Variants in KIF23 observed in about 807,000 individuals in gnomAD.
KIF23 encodes kinesin family member 23, also known as kinesin-like protein KIF23.
A neutral mutation model predicts 137.5 loss-of-function variants in KIF23; 30 were observed. That is an observed-to-expected ratio of 0.22 (90% CI 0.16 to 0.30). KIF23 has a LOEUF of 0.30. KIF23 is among the 10% of genes least tolerant of loss of function. The pLI is 1.00. For synonymous variants in KIF23, 367 were observed against 391.1 expected (o/e 0.94, Z 0.73); for missense variants, 920 against 1,194.3 (o/e 0.77, Z 3.38).
In KIF23 at chr15:69,444,526, G is replaced by A; in HGVS notation, c.2422-264G>A. 2.4e-6 allele frequency: 1 copy of A among 411,062 alleles called. No homozygotes were observed. The highest frequency in any genetic ancestry group is 3.2e-5 in the South Asian group (1 of 31,564). 25.5% of individuals were successfully genotyped at this position (411,062 alleles called of 1,614,324 possible). On this transcript the variant is annotated intron_variant, in intron 19 of 23. Transcript: ENST00000679126. This position sits in a 1 kb window ranked among gnomAD's most constrained non-coding sequence, Gnocchi z 4.2. ...GTTTGTCCTGAACCACCCCCAAGCAGGAAAGACTTGCAGCATTACCAGAAT... is the reference window on the plus strand; with the variant it reads ...GTTTGTCCTGAACCACCCCCAAGCAAGAAAGACTTGCAGCATTACCAGAAT...
intron 15 of KIF23, among the ~76,000 whole-genome samples, chr15:69,437,260 G>A (rs546377860): frequency 1.3e-5 from 2 of 152,108 alleles, no homozygotes; most frequent in Non-Finnish European, 2.9e-5. Context: ...AAGTGAGCGT[G>A]TGTTCTTTCT....
rs985041445 is a variant in KIF23, at chr15:69,446,201, T to C, written c.2757-82T>C. 6 of 1,411,552 alleles carry C rather than the reference T, an allele frequency of 4.3e-6. No individual in the cohort carries two copies. In the Admixed American group the frequency reaches 1.0e-4, roughly 24 times the overall value. 87.4% of individuals were successfully genotyped at this position (1,411,552 alleles called of 1,614,324 possible). On this transcript the variant is annotated intron_variant, in intron 21 of 23. Coordinates refer to ENST00000679126, the MANE Select transcript of KIF23 (RefSeq NM_001367805.3). ...GTATCATTAATTCTCCAAAGGGATG[T>C]AGATAGTATTCCCCTACTTCTAATA...
chr15:69,437,492 G>A (rs182107402), intron 15 of KIF23, among the ~76,000 whole-genome samples: 1 of 130,014 alleles, frequency 7.7e-6, no homozygotes, highest in Non-Finnish European at 1.6e-5. Flanking sequence ...ACTGAGTCTC[G>A]CTCTGTTGCC....
At chr15:69,415,127 G>T (rs1377802317) in intron 1 of KIF23, 1 of 152,198 alleles carries the variant, frequency 6.6e-6, no homozygotes, top group Non-Finnish European at 1.5e-5. Context: ...AATATTTGTC[G>T]TGCAAAGGAG....
Position 69,416,031 on chromosome 15 carries a change from G to A in KIF23, c.49G>A (p.Gly17Arg). 6.3e-7 allele frequency: 1 copy of A among 1,577,932 alleles called. No homozygotes were observed. The highest frequency in any genetic ancestry group is 1.2e-5 in the South Asian group (1 of 83,060). The change falls in exon 2 of 24, where the codon GGG (glycine) becomes AGG (arginine). Residue 17 changes from glycine to arginine, a missense_variant. By Grantham distance (125) the Gly-to-Arg change is moderately radical. Transcript: ENST00000679126. The part of the protein sequence containing the change: ...KTPRKPTVKK[G>R]SQTNLKDPVG... ...ACCCCGGAAACCTACCGTGAAAAAA[G>A]GGTCCCAAACGAACCTTAAAGACCC...
At chr15:69,428,588 A>G (rs564170054) in intron 10 of KIF23, among the ~76,000 whole-genome samples, 2 of 122,304 alleles carry the variant, frequency 1.6e-5, no homozygotes, top group East Asian at 5.7e-4. Flanking sequence ...TGAACCCAGG[A>G]GGGGGAGGTT....
Position 69,447,859 on chromosome 15 carries a change from C to T in KIF23, c.*52C>T, listed in dbSNP as rs368965562. 3.6e-5 allele frequency: 57 copies of T among 1,582,894 alleles called. No homozygotes were observed. Among genetic ancestry groups the T allele is most frequent in the African/African-American group, 3.0e-4 (22 of 74,568 alleles). On this transcript the variant is annotated 3_prime_UTR_variant, in exon 24 of 24. Transcript: ENST00000679126. Reference sequence around the variant, plus strand: ...ATTTTCATTTGTGTGGATGATTTCTCGAAAGCCATGCCAGAAGCAGTCTTC... The same window carrying T: ...ATTTTCATTTGTGTGGATGATTTCTTGAAAGCCATGCCAGAAGCAGTCTTC...
chr15:69,431,601 G>A (rs912711514), intron 11 of KIF23, among the ~76,000 whole-genome samples: 4 of 139,016 alleles, frequency 2.9e-5, no homozygotes, highest in African/African-American at 7.7e-5. Context: ...GCGACAGAGC[G>A]AGACTCCGTC....
intron 11 of KIF23, among the ~76,000 whole-genome samples, 163 bp downstream of exon 11, chr15:69,429,376 C>G (rs1306519641): frequency 1.3e-5 from 2 of 152,140 alleles, no homozygotes; most frequent in Non-Finnish European, 2.9e-5. Context: ...GTGATCATGG[C>G]TCATTGCAGC....
chr15:69,429,282 C>T (rs1331105336), intron 11 of KIF23, 69 bp downstream of exon 11: 6 of 1,001,388 alleles, frequency 6.0e-6, no homozygotes, highest in Non-Finnish European at 9.2e-6. Flanking sequence ...TTATTATCTA[C>T]TTATCAATGG....
rs11852675 is a variant in KIF23 at position 69,436,191 on chromosome 15, A to C, written c.1368A>C (p.Val456=). Residue 456 remains valine (V), a synonymous_variant, in exon 14 of 24, where the codon GTA becomes GTC. Coordinates refer to ENST00000679126, the MANE Select transcript of KIF23 (RefSeq NM_001367805.3). ...AAGAAGTTGAAGTAGCAAGACCTGT[A>C]GACAAGGCAATATGTGGTTTAACGC... ...VTQEVEVARP[V]DKAICGLTPG... is the part of the protein sequence containing the mutation. 0.041 allele frequency: 65,723 copies of C among 1,613,970 alleles called. 1,566 individuals are homozygous for C. Among genetic ancestry groups the C allele is most frequent in the East Asian group, 0.084 (3,775 of 44,870 alleles).
intron 19 of KIF23, among the ~76,000 whole-genome samples, chr15:69,442,086 G>C (rs2057635552): frequency 6.6e-6 from 1 of 152,040 alleles, no homozygotes; most frequent in Non-Finnish European, 1.5e-5. Flanking sequence ...ATGATACTAT[G>C]AAAGTGTATG....
intron 7 of KIF23, among the ~76,000 whole-genome samples, chr15:69,423,750 G>A (rs1766855129): frequency 6.6e-6 from 1 of 152,146 alleles, no homozygotes; most frequent in Non-Finnish European, 1.5e-5. Context: ...ATCTATACAA[G>A]TAATACTTAC....
chr15:69,445,403 C>T (rs187461971), intron 20 of KIF23, among the ~76,000 whole-genome samples: 79 of 152,158 alleles, frequency 5.2e-4, no homozygotes, highest in Non-Finnish European at 5.0e-4. Flanking sequence ...CAAAACAAAA[C>T]GAAACCTATG....
intron 14 of KIF23, 96 bp downstream of exon 14, chr15:69,436,357 A>T (rs1013834775): frequency 8.3e-6 from 12 of 1,446,118 alleles, no homozygotes; most frequent in Non-Finnish European, 1.1e-5. Flanking sequence ...ATGTTTACAT[A>T]CCTTCTGAAG....
In KIF23 at chr15:69,436,181, C is replaced by G. The variant is rs375535520; in HGVS notation, c.1358C>G (p.Ala453Gly). ...FAEVTQEVEV[A>G]RPVDKAICGL... ...GAAGTGACTCAAGAAGTTGAAGTAGCAAGACCTGTAGACAAGGCAATATGT... is the reference window on the plus strand; with the variant it reads ...GAAGTGACTCAAGAAGTTGAAGTAGGAAGACCTGTAGACAAGGCAATATGT... Residue 453 changes from alanine (A) to glycine (G), a missense_variant, in exon 14 of 24, where the codon GCA (alanine) becomes GGA (glycine). Ala to Gly is a moderately conservative substitution (Grantham distance 60). Around this residue, in one of 4 missense-constraint regions of KIF23, gnomAD observed 714 missense variants for 866.2 expected, o/e 0.82. Coordinates refer to ENST00000679126, the MANE Select transcript of KIF23 (RefSeq NM_001367805.3). 7.4e-6 allele frequency: 12 copies of G among 1,613,726 alleles called. No homozygotes were observed. Among genetic ancestry groups the G allele is most frequent in the Non-Finnish European group, 1.0e-5 (12 of 1,179,924 alleles).
Position 69,417,448 on chromosome 15 carries a change from T to G in KIF23, c.147T>G (p.Asn49Lys). The G allele has an allele frequency of 6.2e-7, 1 of 1,613,956 alleles. No individual in the cohort carries two copies. The highest frequency in any genetic ancestry group is 8.5e-7 in the Non-Finnish European group (1 of 1,179,882). The change falls in exon 3 of 24, where the codon AAT becomes AAG. Residue 49 changes from asparagine (N) to lysine (K), a missense_variant. Coordinates refer to ENST00000679126, the MANE Select transcript of KIF23 (RefSeq NM_001367805.3). ...AGTGTTGCATAGAAGTGATCAATAA[T>G]ACAACTGTTCAGCTTCATACTCCTG... ...DQECCIEVINNTTVQLHTPEG... is the reference protein window; with the variant it reads ...DQECCIEVINKTTVQLHTPEG...
chr15:69,442,593 C>CT (rs2140408574), intron 19 of KIF23, among the ~76,000 whole-genome samples: 1 of 152,312 alleles, frequency 6.6e-6, no homozygotes, highest in South Asian at 2.1e-4. Context: ...TCTAAAGTCT[C>CT]TTAAGTTCTT....
chr15:69,416,192 A>G, intron 2 of KIF23, 129 bp downstream of exon 2: 1 of 549,498 alleles, frequency 1.8e-6, no homozygotes. Flanking sequence ...ACATTTAGTT[A>G]AATGGATGTA....
Sources: gnomAD v4.1 joint callset for allele counts (sites outside exome capture counted in the v4.1 genomes callset) on GRCh38, gnomAD v4.1.1 for gene constraint, gnomAD v4.1.1 regional missense constraint, Gnocchi (gnomAD v3.1) non-coding constraint, MANE v1.5 for transcripts, NCBI Gene and HGNC (gene_info 2026-07-23, HGNC 2026-07-21) for gene names.